HDAC9: variants seen among roughly 807,000 people sequenced by gnomAD.
The protein encoded by HDAC9 is MEF-2 interacting transcription repressor (MITR) protein.
HDAC9 carries 41 observed loss-of-function variants against 139.4 expected under a neutral mutation model. That is an observed-to-expected ratio of 0.29 (90% confidence interval 0.23 to 0.38). HDAC9 has a LOEUF of 0.38. HDAC9 is among the 10% of genes least tolerant of loss of function. The pLI is 1.00. For synonymous variants in HDAC9, 517 were observed against 476.2 expected (o/e 1.09, Z -1.12); for missense variants, 1,147 against 1,297.0 (o/e 0.88, Z 1.78).
chr7:18,502,958 TA>T (rs1299594249), intron 2 of HDAC9, among the ~76,000 whole-genome samples: 1 of 152,212 alleles, frequency 6.6e-6, no homozygotes, highest in African/African-American at 2.4e-5. Context: ...AGGATTATCT[TA>T]AAAATACTCA....
chr7:18,196,848 T>C (rs953083755), intron 2 of HDAC9, among the ~76,000 whole-genome samples: 1 of 152,090 alleles, frequency 6.6e-6, no homozygotes, highest in Non-Finnish European at 1.5e-5. Context: ...TTTTGAAAAG[T>C]AAAACCATAG....
intron 1 of HDAC9, among the ~76,000 whole-genome samples, chr7:18,456,670 T>C (rs567003555): frequency 5.9e-4 from 90 of 152,298 alleles, no homozygotes; most frequent in African/African-American, 2.0e-3. Flanking sequence ...TTGGCCTCTC[T>C]ATTTCAGTTA....
At chr7:18,967,655 C>G (rs916021770) in intron 24 of HDAC9, among the ~76,000 whole-genome samples, 1 of 152,082 alleles carries the variant, frequency 6.6e-6, no homozygotes, top group Non-Finnish European at 1.5e-5. Context: ...ATGTACTTAG[C>G]ATTACGTATG....
At chr7:18,329,804 G>A (rs1224459696) in intron 1 of HDAC9, among the ~76,000 whole-genome samples, 1 of 151,618 alleles carries the variant, frequency 6.6e-6, no homozygotes, top group East Asian at 1.9e-4. Context: ...TGCATTTTAT[G>A]TAGGCTTACT....
At chr7:18,236,300 C>G (rs1335564204) in intron 2 of HDAC9, among the ~76,000 whole-genome samples, 1 of 152,158 alleles carries the variant, frequency 6.6e-6, no homozygotes, top group African/African-American at 2.4e-5. Flanking sequence ...TTCCAGGTGA[C>G]TTTGTTGCTT....
chr7:18,298,223 C>A (rs181455619), intron 1 of HDAC9, among the ~76,000 whole-genome samples: 191 of 151,912 alleles, frequency 1.3e-3, no homozygotes, highest in East Asian at 7.3e-3. Flanking sequence ...TTTTCTGATC[C>A]ATATTTATCT....
chr7:18,150,534 A>G (rs746182808), intron 1 of HDAC9, among the ~76,000 whole-genome samples: 7 of 152,180 alleles, frequency 4.6e-5, no homozygotes, highest in East Asian at 1.9e-4. Context: ...CTGGACATCA[A>G]TTTTGCTGAG....
At chr7:18,261,346 C>G (rs1432800838) in intron 2 of HDAC9, among the ~76,000 whole-genome samples, 1 of 152,070 alleles carries the variant, frequency 6.6e-6, no homozygotes, top group Non-Finnish European at 1.5e-5. Context: ...ATAGTTGTTT[C>G]TGACTTAGCA....
chr7:18,276,141 G>A (rs1038045886), intron 2 of HDAC9, among the ~76,000 whole-genome samples: 1 of 152,092 alleles, frequency 6.6e-6, no homozygotes, highest in Admixed American at 6.6e-5. Flanking sequence ...AAAAATAATT[G>A]CAATCATAGT....
chr7:18,490,532 T>C (rs1430949903), intron 1 of HDAC9, among the ~76,000 whole-genome samples: 1 of 152,030 alleles, frequency 6.6e-6, no homozygotes, highest in African/African-American at 2.4e-5. Context: ...TTGCGTCAGA[T>C]GAGGAAGATT....
rs570959857 is a variant in HDAC9, at chr7:18,985,339, G to C, written c.3170+9386G>C. On this transcript the variant is annotated intron_variant, in intron 25 of 25. Transcript: ENST00000686413. ...GCGGTGTTTGGTTTTTTGTTCTTGC[G>C]ATAGTTTACTGAGAATGATGTTTTC... Among the ~76,000 whole-genome samples, 13 of 152,066 alleles carry C rather than the reference G, an allele frequency of 8.5e-5. No homozygotes were observed. In the South Asian group the frequency reaches 1.5e-3, roughly 17 times the overall value.
At chr7:18,959,081 T>C (rs1342604026) in intron 24 of HDAC9, among the ~76,000 whole-genome samples, 2 of 152,134 alleles carry the variant, frequency 1.3e-5, no homozygotes, top group Non-Finnish European at 2.9e-5. Flanking sequence ...ATTTACAGCA[T>C]CCATGCACCG....
chr7:18,979,735 C>T (rs950338982), intron 25 of HDAC9, among the ~76,000 whole-genome samples: 1 of 151,992 alleles, frequency 6.6e-6, no homozygotes, highest in Admixed American at 6.6e-5. Flanking sequence ...GCGGGTACAT[C>T]ACATGGCAAA....
rs551204931 is a variant in HDAC9, at chr7:18,311,959, T to C, written c.-42+21444T>C. 8.5e-5 allele frequency among the ~76,000 whole-genome samples: 13 copies of C among 152,282 alleles called. No homozygotes were observed. The South Asian group carries it at 2.7e-3, about 32-fold the overall frequency. The stretch of plus-strand genomic sequence containing the variant: ...TGCCACTGAACCACCCTCTTGGCAC[T>C]ACCACGGGAAATTTATTTTAAACAA... On this transcript the variant is annotated intron_variant, in intron 1 of 3. Transcript: ENST00000413509.
At chr7:18,738,655 G>T (rs181342755) in intron 13 of HDAC9, among the ~76,000 whole-genome samples, 1 of 152,282 alleles carries the variant, frequency 6.6e-6, no homozygotes, top group Non-Finnish European at 1.5e-5. Context: ...GCTTCCCTTT[G>T]TGGGTAACCC....
At chr7:18,650,496 C>A (rs1007131039) in intron 11 of HDAC9, among the ~76,000 whole-genome samples, 1 of 152,094 alleles carries the variant, frequency 6.6e-6, no homozygotes, top group Non-Finnish European at 1.5e-5. Context: ...AACTAATTGC[C>A]ACTGTTTCAG....
intron 1 of HDAC9, among the ~76,000 whole-genome samples, chr7:18,464,931 C>A (rs1242550834): frequency 6.6e-6 from 1 of 151,994 alleles, no homozygotes; most frequent in East Asian, 1.9e-4. Context: ...CAATGTGATA[C>A]CAAATTTTAG....
chr7:18,220,390 G>C (rs1792615641), intron 2 of HDAC9, among the ~76,000 whole-genome samples: 1 of 152,124 alleles, frequency 6.6e-6, no homozygotes, highest in African/African-American at 2.4e-5. Context: ...CTAGCAGTAT[G>C]AACTTTGAAA....
chr7:18,480,608 C>T (rs1044451362), intron 1 of HDAC9, among the ~76,000 whole-genome samples: 2 of 152,074 alleles, frequency 1.3e-5, no homozygotes, highest in African/African-American at 4.8e-5. Flanking sequence ...AAAGCATTTC[C>T]AGTAGGTCAG....
Sources: gnomAD v4.1 joint callset for allele counts (sites outside exome capture counted in the v4.1 genomes callset) on GRCh38, gnomAD v4.1.1 for gene constraint, MANE v1.5 for transcripts, NCBI Gene and HGNC (gene_info 2026-07-23, HGNC 2026-07-21) for gene names.